The following CAMKMT variants were observed in gnomAD, a reference collection of about 807,000 sequenced individuals.
CAMKMT encodes the protein CaM KMT.
A neutral mutation model predicts 48.0 loss-of-function variants in CAMKMT; 53 were observed. The observed-to-expected ratio is 1.10, with a 90% confidence interval of 0.89 to 1.39. CAMKMT has a LOEUF of 1.39. Ranked by LOEUF, CAMKMT falls within the 40% of genes most tolerant of loss-of-function variation. CAMKMT has a pLI of 0.00. For missense variants in CAMKMT, 428 were observed against 402.7 expected (o/e 1.06, Z -0.54); for synonymous variants, 165 against 152.3 (o/e 1.08, Z -0.61).
chr2:44,498,049 C>T (rs1421042227), intron 3 of CAMKMT, among the ~76,000 whole-genome samples: 3 of 152,084 alleles, frequency 2.0e-5, no homozygotes, highest in Non-Finnish European at 4.4e-5. Flanking sequence ...AGGATATAAG[C>T]ATTTTGTACA....
intron 3 of CAMKMT, among the ~76,000 whole-genome samples, chr2:44,415,472 C>G (rs1683490437): frequency 6.6e-6 from 1 of 152,144 alleles, no homozygotes; most frequent in Non-Finnish European, 1.5e-5. Context: ...TCCACTGTCT[C>G]CAGACTCTGG....
intron 3 of CAMKMT, among the ~76,000 whole-genome samples, chr2:44,511,147 A>G (rs961868014): frequency 2.6e-5 from 4 of 151,944 alleles, no homozygotes; most frequent in Non-Finnish European, 5.9e-5. Context: ...GGCCCATTAT[A>G]TCAATCTTAT....
At chr2:44,506,917 A>C (rs1670289396) in intron 3 of CAMKMT, among the ~76,000 whole-genome samples, 1 of 152,226 alleles carries the variant, frequency 6.6e-6, no homozygotes, top group South Asian at 2.1e-4. Context: ...TGAAATGTTT[A>C]TAAAAATGAC....
At chr2:44,691,950 A>G (rs1480204271) in intron 3 of CAMKMT, among the ~76,000 whole-genome samples, 3 of 152,190 alleles carry the variant, frequency 2.0e-5, no homozygotes, top group Non-Finnish European at 4.4e-5. Context: ...GGCTCCACAA[A>G]TATAGGGAGG....
intron 3 of CAMKMT, among the ~76,000 whole-genome samples, chr2:44,656,905 A>G (rs1187024218): frequency 6.6e-6 from 1 of 152,208 alleles, no homozygotes; most frequent in African/African-American, 2.4e-5. Context: ...TATTTTTCTG[A>G]CACTGCAAGC....
chr2:44,687,137 GTCTTT>G (rs1676382103), intron 3 of CAMKMT, among the ~76,000 whole-genome samples: 1 of 152,120 alleles, frequency 6.6e-6, no homozygotes, highest in Non-Finnish European at 1.5e-5. Context: ...TTATCAGATC[GTCTTT>G]TCTTAAAGGT....
At chr2:44,401,662 C>T (rs993018445) in intron 3 of CAMKMT, among the ~76,000 whole-genome samples, 1 of 152,144 alleles carries the variant, frequency 6.6e-6, no homozygotes, top group African/African-American at 2.4e-5. Flanking sequence ...TGAATAACTA[C>T]ATTAAATATG....
intron 3 of CAMKMT, among the ~76,000 whole-genome samples, chr2:44,443,030 TG>T (rs1454632080): frequency 6.6e-6 from 1 of 152,228 alleles, no homozygotes; most frequent in Non-Finnish European, 1.5e-5. Flanking sequence ...CTGTCCTACC[TG>T]GTAGATTTTA....
chr2:44,629,417 ATTTC>A (rs1181103621), intron 3 of CAMKMT, among the ~76,000 whole-genome samples: 16 of 142,306 alleles, frequency 1.1e-4, no homozygotes, highest in South Asian at 6.6e-4. Flanking sequence ...CTGTGTATGC[ATTTC>A]TTTCTTTCTT....
intron 7 of CAMKMT, among the ~76,000 whole-genome samples, chr2:44,741,254 C>A (rs1274452178): frequency 6.6e-6 from 1 of 152,312 alleles, no homozygotes; most frequent in Admixed American, 6.5e-5. Context: ...CATGCTCTCA[C>A]GAGCATGCAT....
At chr2:44,374,672 A>G (rs1296417046) in intron 2 of CAMKMT, among the ~76,000 whole-genome samples, 2 of 152,218 alleles carry the variant, frequency 1.3e-5, no homozygotes, top group East Asian at 1.9e-4. Flanking sequence ...AGCCCAAGCT[A>G]TAGAGTAAAC....
chr2:44,513,519 C>A (rs1034382721), intron 3 of CAMKMT, among the ~76,000 whole-genome samples: 8 of 152,146 alleles, frequency 5.3e-5, no homozygotes, highest in African/African-American at 1.9e-4. Context: ...GCTTTAATAT[C>A]ATAAGCTCCT....
At chr2:44,635,075 A>G (rs1486337912) in intron 3 of CAMKMT, among the ~76,000 whole-genome samples, 2 of 152,176 alleles carry the variant, frequency 1.3e-5, no homozygotes, top group Non-Finnish European at 2.9e-5. Context: ...ACTGTTTCAA[A>G]AACAATAAAT....
rs1674182840 is a variant in CAMKMT at position 44,653,117 on chromosome 2, A to G, written c.377-51166A>G. On this transcript the variant is annotated intron_variant, in intron 3 of 10. Transcript: ENST00000378494. This position sits in a 1 kb window ranked among gnomAD's most constrained non-coding sequence, Gnocchi z 5.2. ...TCCCAGGACACATTGGCTAGTTTCTAACGTACAGTCTTGTGCTTGTTGATC... is the reference window on the plus strand; with the variant it reads ...TCCCAGGACACATTGGCTAGTTTCTGACGTACAGTCTTGTGCTTGTTGATC... 6.6e-6 allele frequency among the ~76,000 whole-genome samples: 1 copy of G among 152,160 alleles called. No homozygotes were observed. Among genetic ancestry groups the G allele is most frequent in the Non-Finnish European group, 1.5e-5 (1 of 68,034 alleles).
At chr2:44,594,042 C>T (rs1372225063) in intron 3 of CAMKMT, among the ~76,000 whole-genome samples, 11 of 151,828 alleles carry the variant, frequency 7.2e-5, no homozygotes, top group East Asian at 3.9e-4. Flanking sequence ...GGATTACAGG[C>T]GTGAGCCACC....
At chr2:44,609,754 A>G (rs1435344721) in intron 3 of CAMKMT, among the ~76,000 whole-genome samples, 3 of 152,038 alleles carry the variant, frequency 2.0e-5, no homozygotes, top group African/African-American at 7.3e-5. Context: ...CTATGGAGGG[A>G]TGGAGGAGAA....
At chr2:44,694,807 G>C (rs916508402) in intron 3 of CAMKMT, among the ~76,000 whole-genome samples, 10 of 152,172 alleles carry the variant, frequency 6.6e-5, no homozygotes, top group African/African-American at 7.2e-5. Context: ...AAAACAAAAT[G>C]ACCATAGATA....
chr2:44,712,976 C>T (rs962068145), intron 6 of CAMKMT, among the ~76,000 whole-genome samples: 4 of 151,978 alleles, frequency 2.6e-5, no homozygotes, highest in African/African-American at 9.7e-5. Context: ...TCTTCTCATG[C>T]TCATTTTAAT....
intron 3 of CAMKMT, among the ~76,000 whole-genome samples, chr2:44,580,528 G>C (rs1447437012): frequency 6.6e-6 from 1 of 152,132 alleles, no homozygotes. Context: ...ACTTTTGTAA[G>C]ATGTGAAAAT....
Sources: allele counts gnomAD v4.1 joint callset (sites outside exome capture counted in the v4.1 genomes callset), GRCh38; gene constraint gnomAD v4.1.1; non-coding constraint Gnocchi (gnomAD v3.1); transcripts MANE v1.5; gene names NCBI Gene and HGNC (gene_info 2026-07-23, HGNC 2026-07-21).